CNTNAP5: variants seen among roughly 807,000 people sequenced by gnomAD.
CNTNAP5 encodes the protein contactin associated protein family member 5.
CNTNAP5 carries 72 observed loss-of-function variants against 150.2 expected under a neutral mutation model. The observed-to-expected ratio is 0.48, with a 90% CI of 0.40 to 0.58. CNTNAP5 has a LOEUF of 0.58. Among genes scored for constraint, CNTNAP5 ranks in the 20% least tolerant of loss-of-function variants. The pLI is 0.00. For missense variants in CNTNAP5, 1,636 were observed against 1,626.2 expected, an observed-to-expected ratio of 1.01 and a Z score of -0.10; for synonymous variants, 672 against 619.8, an observed-to-expected ratio of 1.08 and a Z score of -1.25.
At chr2:124,416,358 T>G (rs141999121) in intron 3 of CNTNAP5, among the ~76,000 whole-genome samples, 2 of 103,086 alleles carry the variant, frequency 1.9e-5, no homozygotes, top group African/African-American at 9.9e-5. Context: ...TTGGATTTCC[T>G]CTTTTTTTTT....
At chr2:124,683,422 T>A (rs1245631972) in intron 13 of CNTNAP5, among the ~76,000 whole-genome samples, 1 of 151,918 alleles carries the variant, frequency 6.6e-6, no homozygotes, top group Non-Finnish European at 1.5e-5. Context: ...GGAGAAAAGG[T>A]GGTATTTGGT....
chr2:124,812,843 TCAGGGTCTC>T (rs1480408521), intron 19 of CNTNAP5, among the ~76,000 whole-genome samples: 2 of 152,144 alleles, frequency 1.3e-5, no homozygotes, highest in Non-Finnish European at 2.9e-5. Context: ...GCCCATGTTC[TCAGGGTCTC>T]CTGAGGGCTG....
intron 13 of CNTNAP5, among the ~76,000 whole-genome samples, chr2:124,649,107 C>T (rs1266968245): frequency 1.3e-5 from 2 of 152,156 alleles, no homozygotes; most frequent in Admixed American, 6.5e-5. Context: ...AAATCTTTCT[C>T]AAATGGATTA....
chr2:124,368,671 A>T (rs1242434358), intron 3 of CNTNAP5, among the ~76,000 whole-genome samples: 1 of 152,210 alleles, frequency 6.6e-6, no homozygotes, highest in East Asian at 1.9e-4. Context: ...TTCAAAATTC[A>T]TTAATCCATG....
rs567530268 is a variant in CNTNAP5, at chr2:124,072,850, A to T, written c.82+47118A>T. ...CAATGACATCCTTCACAGAAATAGA[A>T]AAAAGAATTCTAAAACTTACATATA... On this transcript the variant is annotated intron_variant, in intron 1 of 23. Transcript: ENST00000682447. Among the ~76,000 whole-genome samples the T allele has an allele frequency of 3.6e-4, 55 of 152,204 alleles. 1 individual carries two copies. The highest frequency in any genetic ancestry group is 2.1e-3 in the South Asian group (10 of 4,826).
At chr2:124,209,065 A>G (rs145517375) in intron 1 of CNTNAP5, among the ~76,000 whole-genome samples, 33 of 152,294 alleles carry the variant, frequency 2.2e-4, no homozygotes, top group African/African-American at 6.7e-4. Context: ...CAGCAGAACA[A>G]CTGGATGCAC....
intron 13 of CNTNAP5, among the ~76,000 whole-genome samples, chr2:124,681,175 G>A (rs919441020): frequency 4.7e-5 from 7 of 149,514 alleles, no homozygotes; most frequent in Admixed American, 7.6e-5. Context: ...GGTGGTGGGC[G>A]CCTCTAATCC....
rs548275809 is a variant in CNTNAP5, at chr2:124,115,707, G to A, written c.82+89975G>A. Reference sequence around the variant, plus strand: ...TCTGTCTCCCAGGTTGACGTGAGGTGGTACGATCAAGGCTTGCTTCAGCCT... The same window carrying A: ...TCTGTCTCCCAGGTTGACGTGAGGTAGTACGATCAAGGCTTGCTTCAGCCT... On this transcript the variant is annotated intron_variant, in intron 1 of 23. Coordinates refer to ENST00000682447, the MANE Select transcript of CNTNAP5 (RefSeq NM_001367498.1). Among the ~76,000 whole-genome samples the A allele has an allele frequency of 4.1e-5, 6 of 144,632 alleles. No homozygotes were observed. The South Asian group carries it at 1.3e-3, about 32-fold the overall frequency. The allele number at this position is 144,632 out of a possible 152,430, so 94.9% of individuals were successfully genotyped here.
In CNTNAP5 at chr2:124,504,449, C is replaced by T. The variant is rs750793652; in HGVS notation, c.1220C>T (p.Ser407Phe). 6 of 1,613,768 alleles carry T rather than the reference C, an allele frequency of 3.7e-6. No homozygotes were observed. The highest frequency in any genetic ancestry group is 5.1e-6 in the Non-Finnish European group (6 of 1,179,812). Residue 407 changes from serine to phenylalanine, a missense_variant, in exon 8 of 24, where the codon TCC becomes TTC. Coordinates refer to ENST00000682447, the MANE Select transcript of CNTNAP5 (RefSeq NM_001367498.1). ...TGGAACAAGGATGGTCTGCTTCTGT[C>T]CACAGAGCTGTCTGAGGGCTCGGGA... ...RTWNKDGLLL[S>F]TELSEGSGTL...
At chr2:124,183,931 A>C (rs1395529124) in intron 1 of CNTNAP5, among the ~76,000 whole-genome samples, 3 of 152,184 alleles carry the variant, frequency 2.0e-5, no homozygotes, top group Non-Finnish European at 4.4e-5. Flanking sequence ...TTTTGCACGA[A>C]CCTAATAGAT....
intron 21 of CNTNAP5, among the ~76,000 whole-genome samples, chr2:124,901,277 T>C (rs1393315065): frequency 6.6e-6 from 1 of 151,520 alleles, no homozygotes; most frequent in East Asian, 1.9e-4. Context: ...CATTAGGCCA[T>C]GTGTCAAAGA....
In CNTNAP5 at chr2:124,524,359, C is replaced by A. The variant is rs752392550; in HGVS notation, c.1384C>A (p.Arg462Ser). 1 of 1,613,820 alleles carries A rather than the reference C, an allele frequency of 6.2e-7. No individual in the cohort carries two copies. Among genetic ancestry groups the A allele is most frequent in the Non-Finnish European group, 8.5e-7 (1 of 1,179,802 alleles). ...HSVSINARRN[R>S]ITLTLDDEAA... ...GGTTAGCATCAACGCCAGGAGGAAC[C>A]GCATCACGCTCACTCTGGATGATGA... Residue 462 changes from arginine to serine, a missense_variant, in exon 9 of 24, where the codon CGC becomes AGC. Coordinates refer to ENST00000682447, the MANE Select transcript of CNTNAP5 (RefSeq NM_001367498.1).
At position 124,227,076 on chromosome 2, in the gene CNTNAP5, G is replaced by A. The variant is rs143857118; in HGVS notation, c.187+5267G>A. The stretch of plus-strand genomic sequence containing the variant: ...TTAAGTTTCCACATGAGTTTCACAG[G>A]ACAAACGTTCAAGTTATAGCAGTGT... On this transcript the variant is annotated intron_variant, in intron 2 of 23. Coordinates refer to ENST00000682447, the MANE Select transcript of CNTNAP5 (RefSeq NM_001367498.1). Among the ~76,000 whole-genome samples the A allele has an allele frequency of 3.2e-3, 486 of 152,168 alleles. 6 individuals carry two copies. Among genetic ancestry groups the A allele is most frequent in the Middle Eastern group, 0.02 (6 of 294 alleles).
chr2:124,872,709 G>A (rs1201951814), intron 21 of CNTNAP5, among the ~76,000 whole-genome samples: 5 of 151,602 alleles, frequency 3.3e-5, no homozygotes, highest in Admixed American at 6.6e-5. Flanking sequence ...TAGAAAGAGG[G>A]AAAATGTGGG....
chr2:124,335,154 C>T (rs993518221), intron 3 of CNTNAP5, among the ~76,000 whole-genome samples: 4 of 152,114 alleles, frequency 2.6e-5, no homozygotes, highest in Non-Finnish European at 5.9e-5. Context: ...TGGGGTGCTG[C>T]TAGTCACAGA....
chr2:124,249,176 A>G (rs575268220), intron 3 of CNTNAP5, among the ~76,000 whole-genome samples: 44 of 152,206 alleles, frequency 2.9e-4, no homozygotes, highest in African/African-American at 1.1e-3. Context: ...CCTGTATATC[A>G]TGACTTACTT....
At chr2:124,756,204 A>T (rs1036596693) in intron 14 of CNTNAP5, among the ~76,000 whole-genome samples, 3 of 152,228 alleles carry the variant, frequency 2.0e-5, no homozygotes, top group Non-Finnish European at 4.4e-5. Context: ...TTGCAAATCA[A>T]AACCACAATG....
chr2:124,456,249 G>A (rs1345053752), intron 6 of CNTNAP5, among the ~76,000 whole-genome samples: 1 of 151,964 alleles, frequency 6.6e-6, no homozygotes, highest in Non-Finnish European at 1.5e-5. Context: ...TAGCTCTTCT[G>A]TACACCAACA....
chr2:124,782,613 A>G (rs1348808716), intron 17 of CNTNAP5, among the ~76,000 whole-genome samples: 1 of 152,034 alleles, frequency 6.6e-6, no homozygotes, highest in African/African-American at 2.4e-5. Context: ...TTTCATCTGT[A>G]GTTTGTAAAA....
Sources: allele counts gnomAD v4.1 joint callset (sites outside exome capture counted in the v4.1 genomes callset), GRCh38; gene constraint gnomAD v4.1.1; transcripts MANE v1.5; gene names NCBI Gene and HGNC (gene_info 2026-07-23, HGNC 2026-07-21).